The following FNDC7 variants were observed in gnomAD, a reference collection of about 807,000 sequenced individuals.
FNDC7 encodes fibronectin type III domain containing 7, also known as fibronectin type III domain-containing protein 7.
In FNDC7, 66 loss-of-function variants were observed where a neutral mutation model predicts 74.2. The observed-to-expected ratio is 0.89, with a 90% CI of 0.73 to 1.09. The LOEUF (loss-of-function observed/expected upper bound fraction) is 1.09. FNDC7 is among the 50% of genes least tolerant of loss of function. FNDC7 has a pLI of 0.00. For synonymous variants in FNDC7, 307 were observed against 330.2 expected (o/e 0.93, Z 0.76); for missense variants, 829 against 893.4 (o/e 0.93, Z 0.92).
At position 108,722,346 on chromosome 1, in the gene FNDC7, C is replaced by T. The variant is rs768483145; in HGVS notation, c.610C>T (p.Pro204Ser). The T allele has an allele frequency of 3.1e-6, 5 of 1,607,294 alleles. No individual in the cohort carries two copies. The highest frequency in any genetic ancestry group is 1.1e-5 in the South Asian group (1 of 90,408). Reference protein sequence around the residue: ...TCNQRTSPRAPANIQVSFDSG... With the variant: ...TCNQRTSPRASANIQVSFDSG... ...TCTCTAAAATGTAGGTCCTCGGGCC[C>T]CTGCCAACATTCAAGTCTCTTTCGA... Residue 204 changes from proline to serine, a missense_variant, in exon 5 of 13, where the codon CCT becomes TCT. Pro to Ser is a moderately conservative substitution (Grantham distance 74). Transcript: ENST00000370017.
intron 5 of FNDC7, among the ~76,000 whole-genome samples, chr1:108,723,352 T>C (rs569416452): frequency 6.6e-6 from 1 of 152,218 alleles, no homozygotes; most frequent in Non-Finnish European, 1.5e-5. Context: ...CTAATTCCAA[T>C]GCTTAAAGCC....
chr1:108,737,673 C>A (rs959767159), intron 11 of FNDC7, 149 bp downstream of exon 11: 1 of 571,004 alleles, frequency 1.8e-6, no homozygotes, highest in East Asian at 3.2e-5. Flanking sequence ...ATGACTTTTT[C>A]TCCCCATTAT....
At chr1:108,733,653 T>TC (rs1315397123) in intron 10 of FNDC7, 121 bp downstream of exon 10, 1 of 730,216 alleles carries the variant, frequency 1.4e-6, no homozygotes, top group African/African-American at 1.8e-5. Flanking sequence ...TTCTTTCTTT[T>TC]TTTTTTTTTT....
At position 108,730,848 on chromosome 1, in the gene FNDC7, G is replaced by A; in HGVS notation, c.1799G>A (p.Gly600Asp). The A allele has an allele frequency of 6.2e-7, 1 of 1,613,996 alleles. No individual in the cohort carries two copies. Among genetic ancestry groups the A allele is most frequent in the Non-Finnish European group, 8.5e-7 (1 of 1,179,924 alleles). Residue 600 changes from glycine to aspartate, a missense_variant, in exon 9 of 13, where the codon GGC becomes GAC. Coordinates refer to ENST00000370017, the MANE Select transcript of FNDC7 (RefSeq NM_001144937.3). ...TGCCTCCTAGGATGCATCACATGTG[G>A]CATCAATTACACAGTGACATTAAAA... ...NHCLLGCITC[G>D]INYTVTLKAI...
rs753766216 is a variant in FNDC7, at chr1:108,722,538, G to A, written c.802G>A (p.Ala268Thr). The A allele has an allele frequency of 1.1e-4, 182 of 1,614,074 alleles. No homozygotes were observed. Among genetic ancestry groups the A allele is most frequent in the Non-Finnish European group, 1.5e-4 (178 of 1,180,034 alleles). ...CGTEYLISVLASNDAGSSKSS... is the reference protein window; with the variant it reads ...CGTEYLISVLTSNDAGSSKSS... Reference sequence around the variant, plus strand: ...AACTGAATACTTGATTTCAGTTTTAGCAAGTAATGATGCTGGATCTAGCAA... The same window carrying A: ...AACTGAATACTTGATTTCAGTTTTAACAAGTAATGATGCTGGATCTAGCAA... Residue 268 changes from alanine to threonine, a missense_variant, in exon 5 of 13, where the codon GCA becomes ACA. Ala to Thr is a moderately conservative substitution (Grantham distance 58). Transcript: ENST00000370017.
At chr1:108,735,550 A>G (rs1179237697) in intron 10 of FNDC7, among the ~76,000 whole-genome samples, 2 of 152,242 alleles carry the variant, frequency 1.3e-5, no homozygotes, top group Admixed American at 6.5e-5. Flanking sequence ...TAGTAGCCAT[A>G]TTAAAAAAGT....
At chr1:108,718,177 G>A in intron 3 of FNDC7, 146 bp downstream of exon 3, 1 of 1,149,926 alleles carries the variant, frequency 8.7e-7, no homozygotes, top group Non-Finnish European at 1.2e-6. Flanking sequence ...AAATGATGCT[G>A]TTTGAGAATT....
At position 108,728,639 on chromosome 1, in the gene FNDC7, C is replaced by A. The variant is rs1484275756; in HGVS notation, c.1377C>A (p.Cys459Ter). ...TACTCTAAAATGTCTTAGCTCCTTGCAGTCCTGAAATAAAAAATGTTTCAA... is the reference window on the plus strand; with the variant it reads ...TACTCTAAAATGTCTTAGCTCCTTGAAGTCCTGAAATAAAAAATGTTTCAA... ...CTPQFITTAPCSPEIKNVSRD... is the reference protein window; with the variant it reads ...CTPQFITTAP The change falls in exon 8 of 13, where the codon TGC becomes TGA. Residue 459 changes from cysteine to a stop codon, truncating the protein, a stop_gained. Transcript: ENST00000370017. LOFTEE classifies it high-confidence loss of function. 6.2e-7 allele frequency: 1 copy of A among 1,614,188 alleles called. No individual in the cohort carries two copies. Among genetic ancestry groups the A allele is most frequent in the Admixed American group, 1.7e-5 (1 of 60,024 alleles).
intron 2 of FNDC7, among the ~76,000 whole-genome samples, chr1:108,716,320 G>GGTGTGTGTGTGTGTGTGTGTGT (rs141850435): frequency 1.0e-5 from 1 of 95,694 alleles, no homozygotes; most frequent in African/African-American, 3.8e-5. Flanking sequence ...GCAGAAGAGA[G>GGTGTGTGTGTGTGTGTGTGTGT]GTGTGTGTGT....
At chr1:108,732,154 T>C (rs1204680301) in intron 9 of FNDC7, among the ~76,000 whole-genome samples, 1 of 151,900 alleles carries the variant, frequency 6.6e-6, no homozygotes, top group African/African-American at 2.4e-5. Flanking sequence ...GGTCAGGAGA[T>C]CAAGACCATC....
intron 3 of FNDC7, among the ~76,000 whole-genome samples, 172 bp downstream of exon 3, chr1:108,718,203 G>C (rs1477787332): frequency 6.6e-6 from 1 of 152,222 alleles, no homozygotes; most frequent in Non-Finnish European, 1.5e-5. Context: ...ATCTGCGGAG[G>C]AGGTGGCATT....
At chr1:108,721,127 T>G (rs1343786689) in intron 4 of FNDC7, among the ~76,000 whole-genome samples, 1 of 152,214 alleles carries the variant, frequency 6.6e-6, no homozygotes, top group Non-Finnish European at 1.5e-5. Flanking sequence ...GGGAAAATCA[T>G]GGCAGATGCC....
intron 2 of FNDC7, among the ~76,000 whole-genome samples, chr1:108,716,234 G>A (rs1364658957): frequency 6.6e-6 from 1 of 152,012 alleles, no homozygotes; most frequent in East Asian, 1.9e-4. Context: ...TGGGGACAGA[G>A]GAAACAGAAG....
chr1:108,717,612 T>C (rs920940987), intron 2 of FNDC7, among the ~76,000 whole-genome samples, 165 bp from the exon 3 acceptor site: 1 of 152,024 alleles, frequency 6.6e-6, no homozygotes, highest in African/African-American at 2.4e-5. Flanking sequence ...TTCTGGAGAG[T>C]AGCTTTGTCT....
At chr1:108,719,182 A>G in intron 4 of FNDC7, 133 bp downstream of exon 4, 4 of 1,003,670 alleles carry the variant, frequency 4.0e-6, no homozygotes, top group South Asian at 3.5e-5. Context: ...AATTTATTAT[A>G]AAGTTATTTA....
chr1:108,722,246 T>C, intron 4 of FNDC7, 89 bp from the exon 5 acceptor site: 3 of 1,310,428 alleles, frequency 2.3e-6, no homozygotes, highest in Non-Finnish European at 3.1e-6. Flanking sequence ...TTGGGTACCT[T>C]ATCCTCCAGG....
At position 108,736,919 on chromosome 1, in the gene FNDC7, A is replaced by G. The variant is rs189832987; in HGVS notation, c.2141-576A>G. Among the ~76,000 whole-genome samples, 560 of 151,362 alleles carry G rather than the reference A, an allele frequency of 3.7e-3. 2 individuals carry two copies. Among genetic ancestry groups the G allele is most frequent in the African/African-American group, 0.013 (524 of 41,208 alleles). On this transcript the variant is annotated intron_variant, in intron 10 of 12. Coordinates refer to ENST00000370017, the MANE Select transcript of FNDC7 (RefSeq NM_001144937.3). ...CCAGGCACTGTTCTAAGGGGTTTACATATATTAACTCAGTCCTTACAACAA... is the reference window on the plus strand; with the variant it reads ...CCAGGCACTGTTCTAAGGGGTTTACGTATATTAACTCAGTCCTTACAACAA...
At chr1:108,735,811 T>C (rs1276511116) in intron 10 of FNDC7, among the ~76,000 whole-genome samples, 1 of 152,038 alleles carries the variant, frequency 6.6e-6, no homozygotes, top group Admixed American at 6.5e-5. Flanking sequence ...GGTTTTTTTG[T>C]TTGTTTTTTA....
rs1661660196 is a variant in FNDC7 at position 108,741,988 on chromosome 1, C to T, written c.*101C>T. On this transcript the variant is annotated 3_prime_UTR_variant, in exon 13 of 13. Coordinates refer to ENST00000370017, the MANE Select transcript of FNDC7 (RefSeq NM_001144937.3). The stretch of plus-strand genomic sequence containing the variant: ...CTACTAGAATGTAGAATAAAAATGC[C>T]TCTAGGATAGGAAAAGCTCCTTTGG... 1.5e-6 allele frequency: 1 copy of T among 662,384 alleles called. No individual in the cohort carries two copies. Among genetic ancestry groups the T allele is most frequent in the Non-Finnish European group, 2.6e-6 (1 of 391,538 alleles). The allele number at this position is 662,384 out of a possible 1,614,324, so 41.0% of individuals were successfully genotyped here.
Sources: gnomAD v4.1 joint callset for allele counts (sites outside exome capture counted in the v4.1 genomes callset) on GRCh38, gnomAD v4.1.1 for gene constraint, MANE v1.5 for transcripts, NCBI Gene and HGNC (gene_info 2026-07-23, HGNC 2026-07-21) for gene names.